Variants in MZT2A observed in about 807,000 individuals in gnomAD.
The protein encoded by MZT2A is mitotic-spindle organizing protein 2A.
Under a neutral mutation model 12.4 loss-of-function variants are expected in MZT2A, and 8 were observed. The observed-to-expected ratio is 0.64, with a 90% CI of 0.38 to 1.16. MZT2A has a LOEUF of 1.16. Among genes scored for constraint, MZT2A ranks in the 50% most tolerant of loss-of-function variants. MZT2A has a pLI of 0.01. For missense variants in MZT2A, 181 were observed against 223.6 expected (o/e 0.81, Z 1.22); for synonymous variants, 88 against 107.5 (o/e 0.82, Z 1.12).
At chr2:131,490,494 TC>T in intron 2 of MZT2A, 1 of 1,419,516 alleles carries the variant, frequency 7.0e-7, no homozygotes, top group Non-Finnish European at 9.2e-7. Flanking sequence ...GTTGGTCCTG[TC>T]CCCGGATGCC....
chr2:131,490,664 G>A (rs150292518), intron 2 of MZT2A: 77 of 1,549,294 alleles, frequency 5.0e-5, no homozygotes, highest in East Asian at 1.5e-4. Flanking sequence ...CAGTTTCCAT[G>A]AAAACAAGGA....
chr2:131,492,949 C>T (rs1679410229), upstream of MZT2A: 8 of 1,525,764 alleles, frequency 5.2e-6, no homozygotes, highest in South Asian at 3.6e-5. Context: ...GCCATTTCCC[C>T]TCCCTGGCCG....
downstream of MZT2A, chr2:131,480,399 T>C (rs567657843): frequency 1.4e-5 from 22 of 1,593,770 alleles, no homozygotes; most frequent in East Asian, 3.1e-4. Flanking sequence ...GCAGATCGTG[T>C]CCTCCATCAC....
chr2:131,492,424 C>T (rs1190058576), upstream of MZT2A: 3 of 1,208,656 alleles, frequency 2.5e-6, no homozygotes, highest in South Asian at 3.8e-5. Context: ...CGCCCCCTAG[C>T]GGATGCGCCC....
chr2:131,492,079 C>T (rs1281534165), intron 1 of MZT2A, 55 bp from the exon 2 acceptor site: 6 of 1,568,148 alleles, frequency 3.8e-6, no homozygotes, highest in East Asian at 2.4e-5. Context: ...GCGGCCACCT[C>T]CCTGAAGACC....
chr2:131,474,473 G>A (rs1678587816), intron 2 of MZT2A, among the ~76,000 whole-genome samples: 1 of 133,172 alleles, frequency 7.5e-6, no homozygotes. Flanking sequence ...GCAATGGTGT[G>A]ATCTTGACTC....
At chr2:131,470,482 C>T (rs1704958796) in intron 3 of MZT2A, 1 of 346,474 alleles carries the variant, frequency 2.9e-6, no homozygotes, top group Non-Finnish European at 5.7e-6. Context: ...GGAGAAATCC[C>T]CTGCTTGGAA....
At chr2:131,484,942 A>G (rs959464345) in intron 2 of MZT2A, among the ~76,000 whole-genome samples, 2 of 152,220 alleles carry the variant, frequency 1.3e-5, no homozygotes, top group African/African-American at 4.8e-5. Context: ...TCTTTAAGAT[A>G]GCCAAGAAAA....
chr2:131,472,629 T>A (rs377199274), intron 2 of MZT2A, among the ~76,000 whole-genome samples: 53 of 152,314 alleles, frequency 3.5e-4, no homozygotes, highest in East Asian at 1.4e-3. Context: ...TTTCTGTGTT[T>A]AGATACATAA....
Position 131,484,115 on chromosome 2 carries a change from G to C in MZT2A, c.423C>G (p.Thr141=). 6.2e-7 allele frequency: 1 copy of C among 1,614,036 alleles called. No homozygotes were observed. The highest frequency in any genetic ancestry group is 8.5e-7 in the Non-Finnish European group (1 of 1,179,980). ...CAGGCCCGCCCCCCTTGGGCAGCCT[G>C]GTAGCGCTGGGCTGGCGTGGCATCC... ...SQRMPRQPSA[T]RLPKGGGPGK... The change falls in exon 3 of 3, where the codon ACC becomes ACG. Residue 141 remains threonine, a synonymous_variant. Coordinates refer to ENST00000309451, the MANE Select transcript of MZT2A (RefSeq NM_001085365.2).
intron 2 of MZT2A, among the ~76,000 whole-genome samples, chr2:131,473,062 A>C (rs1190602866): frequency 6.6e-6 from 1 of 152,132 alleles, no homozygotes; most frequent in African/African-American, 2.4e-5. Flanking sequence ...GAGACCAGAG[A>C]GCTTGGGTGC....
chr2:131,488,997 G>GC (rs1222636350), intron 2 of MZT2A, among the ~76,000 whole-genome samples: 28 of 142,936 alleles, frequency 2.0e-4, no homozygotes, highest in African/African-American at 6.4e-4. Context: ...TCTTGACTGT[G>GC]CCCCCCCACC....
chr2:131,492,783 G>T (rs540945861), upstream of MZT2A: 19 of 1,342,162 alleles, frequency 1.4e-5, no homozygotes, highest in South Asian at 7.6e-5. Context: ...TCGCTCTTCG[G>T]GGGGGGTGGG....
At chr2:131,484,841 C>T (rs566793077) in intron 2 of MZT2A, among the ~76,000 whole-genome samples, 4 of 152,202 alleles carry the variant, frequency 2.6e-5, no homozygotes, top group African/African-American at 9.6e-5. Flanking sequence ...ACAGTCTGAA[C>T]GCTTGAGACT....
At chr2:131,490,433 GGA>G in intron 2 of MZT2A, 2 of 1,291,854 alleles carry the variant, frequency 1.5e-6, no homozygotes, top group Non-Finnish European at 2.0e-6. Context: ...GTCTTCCCCT[GGA>G]GAGGGGCTCT....
chr2:131,476,000 A>G (rs1200781536), intron 2 of MZT2A: 12 of 955,278 alleles, frequency 1.3e-5, no homozygotes, highest in Non-Finnish European at 1.9e-5. Context: ...TCCCCAGTAC[A>G]CATGTTGAGC....
At chr2:131,473,917 G>A (rs558370381) in intron 2 of MZT2A, among the ~76,000 whole-genome samples, 14 of 144,516 alleles carry the variant, frequency 9.7e-5, no homozygotes, top group Admixed American at 2.0e-4. Flanking sequence ...TGAGTTATGC[G>A]AGGTGTGCAG....
chr2:131,491,493 A>T (rs1679300829), intron 2 of MZT2A: 2 of 374,686 alleles, frequency 5.3e-6, no homozygotes, highest in South Asian at 5.8e-5. Flanking sequence ...TCTCAAACTC[A>T]TGGCCTCAAA....
At chr2:131,482,744 G>C, downstream of MZT2A, 4 of 1,614,198 alleles carry the variant, frequency 2.5e-6, no homozygotes, top group Non-Finnish European at 2.5e-6. Flanking sequence ...GGAAGAGGGA[G>C]AGTTCTCTGA....
Sources: gnomAD v4.1 joint callset for allele counts (sites outside exome capture counted in the v4.1 genomes callset) on GRCh38, gnomAD v4.1.1 for gene constraint, MANE v1.5 for transcripts, NCBI Gene and HGNC (gene_info 2026-07-23, HGNC 2026-07-21) for gene names.